Variants in ACTN1 observed in about 807,000 individuals in gnomAD.
ACTN1 encodes actinin alpha 1, also known as alpha-actinin-1.
A neutral mutation model predicts 119.6 loss-of-function variants in ACTN1; 30 were observed. The observed-to-expected ratio is 0.25, with a 90% CI of 0.19 to 0.34. The LOEUF (loss-of-function observed/expected upper bound fraction) is 0.34, where lower values mean the gene tolerates loss of function less well. ACTN1 is among the 10% of genes least tolerant of loss of function. The pLI, the probability that ACTN1 is intolerant of heterozygous loss-of-function variation, is 1.00. For synonymous variants in ACTN1, 429 were observed against 472.6 expected (o/e 0.91, Z 1.20); for missense variants, 764 against 1,223.4 (o/e 0.62, Z 5.60).
In ACTN1 at chr14:68,909,939, A is replaced by C. The variant is rs370262958; in HGVS notation, c.515+16T>G. On this transcript the variant is annotated intron_variant, in intron 5 of 21. Coordinates refer to ENST00000394419, the MANE Select transcript of ACTN1 (RefSeq NM_001130004.2). This position sits in a 1 kb window ranked among gnomAD's most constrained non-coding sequence, Gnocchi z 4.1. Reference sequence around the variant, plus strand: ...CAGCCTGGTTCTGTGAGAGCCCCTCAGACCCCAGCACTCACCTTATGTGGA... The same window carrying C: ...CAGCCTGGTTCTGTGAGAGCCCCTCCGACCCCAGCACTCACCTTATGTGGA... 15 of 1,610,966 alleles carry C rather than the reference A, an allele frequency of 9.3e-6. No individual in the cohort carries two copies. The African/African-American group carries it at 1.3e-4, about 14-fold the overall frequency.
intron 1 of ACTN1, among the ~76,000 whole-genome samples, chr14:68,959,791 C>T (rs2036466711): frequency 6.6e-6 from 1 of 152,148 alleles, no homozygotes; most frequent in African/African-American, 2.4e-5. Flanking sequence ...AATAATCCTA[C>T]AGTTGAGTCC....
intron 7 of ACTN1, among the ~76,000 whole-genome samples, chr14:68,904,053 C>T (rs1430572375): frequency 1.3e-5 from 2 of 152,160 alleles, no homozygotes; most frequent in African/African-American, 4.8e-5. Flanking sequence ...TCCTTCCCTA[C>T]CCAACATGGA....
rs1463418219 is a variant in ACTN1, at chr14:68,880,810, C to T, written c.2133G>A (p.Glu711=). 1.9e-6 allele frequency: 3 copies of T among 1,613,870 alleles called. No homozygotes were observed. The highest frequency in any genetic ancestry group is 2.5e-6 in the Non-Finnish European group (3 of 1,179,896). ...FDNKHTNYTM[E]HIRVGWEQLL... ...GAGGAACAAGGCCAGCCCCACCCACCTCCATGGTGTAGTTGGTGTGCTTGT... is the reference window on the plus strand; with the variant it reads ...GAGGAACAAGGCCAGCCCCACCCACTTCCATGGTGTAGTTGGTGTGCTTGT... Residue 711 remains glutamate (E), a splice_region_variant and synonymous_variant, in exon 17 of 22, where the codon GAG becomes GAA. Transcript: ENST00000394419. The surrounding 1 kb of genome is among the most constrained non-coding windows in gnomAD (Gnocchi z 4.6).
intron 1 of ACTN1, 110 bp downstream of exon 1, chr14:68,978,841 GT>G: frequency 4.6e-6 from 3 of 655,450 alleles, no homozygotes; most frequent in Non-Finnish European, 7.0e-6. Flanking sequence ...GCCCCCTCCC[GT>G]GCGCGCCCGG....
intron 1 of ACTN1, among the ~76,000 whole-genome samples, chr14:68,966,522 C>T (rs1385523809): frequency 6.6e-6 from 1 of 152,172 alleles, no homozygotes; most frequent in Non-Finnish European, 1.5e-5. Context: ...CTTCCTGTTC[C>T]TGGGGGACAA....
intron 1 of ACTN1, among the ~76,000 whole-genome samples, chr14:68,954,483 G>A (rs1165718009): frequency 6.6e-6 from 1 of 151,784 alleles, no homozygotes; most frequent in Non-Finnish European, 1.5e-5. Context: ...ACCCGCCACC[G>A]AACCGAGCTA....
intron 1 of ACTN1, among the ~76,000 whole-genome samples, chr14:68,975,836 G>C (rs911899579): frequency 6.6e-6 from 1 of 152,274 alleles, no homozygotes; most frequent in East Asian, 1.9e-4. Context: ...GACAAGCCTC[G>C]GCCAAGCCAG....
At chr14:68,972,618 C>T (rs570868191) in intron 1 of ACTN1, among the ~76,000 whole-genome samples, 9 of 152,246 alleles carry the variant, frequency 5.9e-5, no homozygotes, top group Middle Eastern at 6.8e-3. Context: ...TTTCCATCAC[C>T]GGGGTTTTGT....
chr14:68,882,726 G>A lies in ACTN1; in HGVS notation c.1819-134C>T, dbSNP rs2140092366. 1.3e-6 allele frequency: 2 copies of A among 1,510,632 alleles called. No homozygotes were observed. Among genetic ancestry groups the A allele is most frequent in the East Asian group, 4.5e-5 (2 of 44,000 alleles). 93.6% of individuals were successfully genotyped at this position (1,510,632 alleles called of 1,614,324 possible). ...AGGAGTAAAGGTGTCAACCTGTTCTGGAAACCCAGTCATTTGACATTTGGA... is the reference window on the plus strand; with the variant it reads ...AGGAGTAAAGGTGTCAACCTGTTCTAGAAACCCAGTCATTTGACATTTGGA... On this transcript the variant is annotated intron_variant, in intron 15 of 21. Transcript: ENST00000394419. This position sits in a 1 kb window ranked among gnomAD's most constrained non-coding sequence, Gnocchi z 4.5.
chr14:68,916,221 C>T (rs1020788517), intron 3 of ACTN1, among the ~76,000 whole-genome samples: 31 of 152,266 alleles, frequency 2.0e-4, no homozygotes, highest in African/African-American at 7.2e-4. Context: ...AGTGGGGCTG[C>T]AATGCTAGCC....
rs777648304 is a variant in ACTN1, at chr14:68,878,560, C to T, written c.2362-37G>A. ...AGTGGTACCAAGACACAAGGAGGGT[C>T]GGGAAGGCAGGAAGAGGAAGGGCCG... On this transcript the variant is annotated intron_variant, in intron 19 of 21. Transcript: ENST00000394419. This position sits in a 1 kb window ranked among gnomAD's most constrained non-coding sequence, Gnocchi z 4.4. The T allele has an allele frequency of 5.6e-6, 9 of 1,611,984 alleles. No homozygotes were observed. Among genetic ancestry groups the T allele is most frequent in the South Asian group, 2.2e-5 (2 of 90,774 alleles).
intron 1 of ACTN1, among the ~76,000 whole-genome samples, chr14:68,969,906 G>A (rs1185985485): frequency 3.3e-5 from 5 of 152,166 alleles, no homozygotes; most frequent in Non-Finnish European, 4.4e-5. Flanking sequence ...AGTTCCATTA[G>A]GGGACCGGCC....
intron 1 of ACTN1, among the ~76,000 whole-genome samples, chr14:68,932,980 T>A (rs1398094035): frequency 1.3e-5 from 2 of 152,134 alleles, no homozygotes; most frequent in Non-Finnish European, 2.9e-5. Context: ...ACACGCCAGA[T>A]CCTCTCCTGA....
chr14:68,977,822 A>G (rs1436680114), intron 1 of ACTN1: 11 of 360,064 alleles, frequency 3.1e-5, no homozygotes, highest in Non-Finnish European at 6.1e-5. Flanking sequence ...CCAAAACCCC[A>G]TTCCCAGATC....
rs933820257 is a variant in ACTN1 at position 68,874,507 on chromosome 14, G to A, written c.*352C>T. On this transcript the variant is annotated 3_prime_UTR_variant, in exon 22 of 22. Coordinates refer to ENST00000394419, the MANE Select transcript of ACTN1 (RefSeq NM_001130004.2). ...AGAAGAAAAAAAAATCAGTAAAAAG[G>A]ATGGAATATAACTTTGTGCTTGGTT... is the stretch of plus-strand genomic sequence containing the variant. 2 of 181,288 alleles carry A rather than the reference G, an allele frequency of 1.1e-5. No homozygotes were observed. Among genetic ancestry groups the A allele is most frequent in the African/African-American group, 4.7e-5 (2 of 42,586 alleles). The allele number at this position is 181,288 out of a possible 1,614,324, so 11.2% of individuals were successfully genotyped here.
At chr14:68,920,467 A>C (rs1328262179) in intron 3 of ACTN1, among the ~76,000 whole-genome samples, 1 of 152,214 alleles carries the variant, frequency 6.6e-6, no homozygotes, top group East Asian at 1.9e-4. Flanking sequence ...ACCTTCTTTT[A>C]ATCATTAAGG....
chr14:68,936,880 G>T (rs1314209127), intron 1 of ACTN1: 2 of 576,604 alleles, frequency 3.5e-6, no homozygotes, highest in Non-Finnish European at 6.8e-6. Flanking sequence ...TCTCTGGGAA[G>T]CCCTCAATCC....
chr14:68,874,778 G>A lies in ACTN1; in HGVS notation c.*81C>T. The A allele has an allele frequency of 7.2e-7, 1 of 1,388,998 alleles. No individual in the cohort carries two copies. Among genetic ancestry groups the A allele is most frequent in the South Asian group, 1.8e-5 (1 of 54,618 alleles). 86.0% of individuals were successfully genotyped at this position (1,388,998 alleles called of 1,614,324 possible). On this transcript the variant is annotated 3_prime_UTR_variant, in exon 22 of 22. Coordinates refer to ENST00000394419, the MANE Select transcript of ACTN1 (RefSeq NM_001130004.2). ...CGGGTGGAGGCTGGGAGCTGAAACC[G>A]AACCCAGGCAGGAGATGGGCGACGG...
Position 68,883,005 on chromosome 14 carries a change from G to C in ACTN1, c.1686C>G (p.Asp562Glu), listed in dbSNP as rs1348595000. The C allele has an allele frequency of 6.2e-7, 1 of 1,614,112 alleles. No individual in the cohort carries two copies. The highest frequency in any genetic ancestry group is 1.3e-5 in the African/African-American group (1 of 74,926). ...EQFKATLPDA[D>E]KERLAILGIH... ...TGCCCAGGATGGCCAGGCGCTCCTT[G>C]TCGGCATCAGGGAGGGTGGCCTTGA... is the stretch of plus-strand genomic sequence containing the variant. Residue 562 changes from aspartate to glutamate, a missense_variant, in exon 15 of 22, where the codon GAC (aspartate) becomes GAG (glutamate). This residue lies in a region of ACTN1 where 544 missense variants were observed against 912.0 expected (regional missense o/e 0.60). Transcript: ENST00000394419.
Sources: allele counts gnomAD v4.1 joint callset (sites outside exome capture counted in the v4.1 genomes callset), GRCh38; gene constraint gnomAD v4.1.1; regional missense constraint gnomAD v4.1.1; non-coding constraint Gnocchi (gnomAD v3.1); transcripts MANE v1.5; gene names NCBI Gene and HGNC (gene_info 2026-07-23, HGNC 2026-07-21).